Variants in LINC00305 observed in about 807,000 individuals in gnomAD.
LINC00305 encodes long independently transcribed non-coding RNA 305.
chr18:64,098,603 T>G (rs532751059), exon 2 of LINC00305: 1 of 441,544 alleles, frequency 2.3e-6, no homozygotes, highest in South Asian at 1.6e-5. Flanking sequence ...TCTATGAAGG[T>G]TGATCATATC....
chr18:64,126,775 T>C (rs888836789), intron 1 of LINC00305, among the ~76,000 whole-genome samples: 1 of 152,114 alleles, frequency 6.6e-6, no homozygotes, highest in Non-Finnish European at 1.5e-5. Context: ...CACCCCCAAG[T>C]GTAATGTTAA....
At chr18:64,140,876 G>A (rs2051459030) in intron 1 of LINC00305, among the ~76,000 whole-genome samples, 1 of 151,970 alleles carries the variant, frequency 6.6e-6, no homozygotes, top group South Asian at 2.1e-4. Flanking sequence ...TGTGACCAGG[G>A]AAGAAAGACA....
chr18:64,112,217 A>G (rs546653673), intron 1 of LINC00305, among the ~76,000 whole-genome samples: 1 of 152,158 alleles, frequency 6.6e-6, no homozygotes, highest in South Asian at 2.1e-4. Flanking sequence ...TCACAAAGCT[A>G]TTCAGAAATA....
chr18:64,099,157 A>G (rs1463436228), intron 1 of LINC00305, among the ~76,000 whole-genome samples: 1 of 152,122 alleles, frequency 6.6e-6, no homozygotes, highest in African/African-American at 2.4e-5. Flanking sequence ...TAAAAAGCAG[A>G]TATTCCTTAT....
Sources: allele counts gnomAD v4.1 joint callset (sites outside exome capture counted in the v4.1 genomes callset), GRCh38; gene constraint gnomAD v4.1.1; transcripts MANE v1.5; gene names NCBI Gene and HGNC (gene_info 2026-07-23, HGNC 2026-07-21).